Variants in TOMM40 observed in about 807,000 individuals in gnomAD.
TOMM40 encodes the protein mitochondrial import receptor subunit TOM40 homolog.
In TOMM40, 9 loss-of-function variants were observed where a neutral mutation model predicts 38.4. That is an observed-to-expected ratio of 0.23 (90% CI 0.14 to 0.41). The LOEUF (loss-of-function observed/expected upper bound fraction) is 0.41. Among genes scored for constraint, TOMM40 ranks in the 10% least tolerant of loss-of-function variants. The pLI is 1.00. For missense variants in TOMM40, 299 were observed against 486.5 expected, an observed-to-expected ratio of 0.61 and a Z score of 3.63; for synonymous variants, 184 against 210.0, an observed-to-expected ratio of 0.88 and a Z score of 1.07.
chr19:44,897,006 G>C (rs965487554), intron 5 of TOMM40, among the ~76,000 whole-genome samples: 1 of 152,194 alleles, frequency 6.6e-6, no homozygotes, highest in Non-Finnish European at 1.5e-5. Flanking sequence ...GCCTGGGAAG[G>C]GGGAGTGGTT....
rs1234958717 is a variant in TOMM40 at position 44,903,272 on chromosome 19, C to T, written c.*103C>T. On this transcript the variant is annotated 3_prime_UTR_variant, in exon 9 of 9. Coordinates refer to ENST00000426677, the MANE Select transcript of TOMM40 (RefSeq NM_001128917.2). ...TGAGCCCCCCTCCCTTCCCTCCCCC[C>T]TTGGGGGTCGGGGGGGACATTGGAA... 1 of 1,255,200 alleles carries T rather than the reference C, an allele frequency of 8.0e-7. No individual in the cohort carries two copies. Among genetic ancestry groups the T allele is most frequent in the African/African-American group, 1.7e-5 (1 of 57,250 alleles). 77.8% of individuals were successfully genotyped at this position (1,255,200 alleles called of 1,614,324 possible).
chr19:44,893,712 C>T (rs967832320), intron 3 of TOMM40, 68 bp from the exon 4 acceptor site: 2 of 1,362,924 alleles, frequency 1.5e-6, no homozygotes, highest in Admixed American at 2.0e-5. Context: ...AGGCTTCTCA[C>T]CCCGGCCCAT....
intron 6 of TOMM40, 33 bp downstream of exon 6, chr19:44,900,885 G>C: frequency 6.2e-7 from 1 of 1,611,886 alleles, no homozygotes; most frequent in East Asian, 2.2e-5. Context: ...AGGGTGGAGG[G>C]GCTGGGCCCC....
intron 5 of TOMM40, among the ~76,000 whole-genome samples, chr19:44,895,311 G>A (rs1262598574): frequency 6.6e-6 from 1 of 152,168 alleles, no homozygotes; most frequent in Non-Finnish European, 1.5e-5. Context: ...GGAGCAAGAA[G>A]ATTCCAGGCA....
At chr19:44,902,943 CA>C (rs1969710612) in intron 8 of TOMM40, 86 bp from the exon 9 acceptor site, 25 of 1,524,628 alleles carry the variant, frequency 1.6e-5, no homozygotes, top group Non-Finnish European at 2.2e-5. Context: ...AAGCTGTCGG[CA>C]TGTGGCTGGT....
At chr19:44,896,289 G>C (rs546285930) in intron 5 of TOMM40, among the ~76,000 whole-genome samples, 6 of 152,324 alleles carry the variant, frequency 3.9e-5, no homozygotes, top group African/African-American at 1.4e-4. Context: ...GCCACCAACA[G>C]CTCCGACTTG....
intron 6 of TOMM40, 53 bp from the exon 7 acceptor site, chr19:44,900,975 A>G: frequency 6.2e-7 from 1 of 1,612,146 alleles, no homozygotes; most frequent in Non-Finnish European, 8.5e-7. Flanking sequence ...GGGTTCCCAG[A>G]TGCCCAAATC....
chr19:44,897,155 C>T (rs1372410888), intron 5 of TOMM40, among the ~76,000 whole-genome samples: 2 of 152,080 alleles, frequency 1.3e-5, no homozygotes, highest in Non-Finnish European at 2.9e-5. Context: ...AACATGATCC[C>T]TCTGTCTGCT....
At chr19:44,900,688 G>T in intron 5 of TOMM40, 42 bp from the exon 6 acceptor site, 13 of 1,611,570 alleles carry the variant, frequency 8.1e-6, no homozygotes, top group Non-Finnish European at 1.1e-5. Context: ...GTCTAGCCTG[G>T]CACTCAGGGT....
At chr19:44,900,597 AGAAAGGAGCCCT>A in intron 5 of TOMM40, 121 bp from the exon 6 acceptor site, 1 of 1,549,062 alleles carries the variant, frequency 6.5e-7, no homozygotes, top group African/African-American at 1.4e-5. Flanking sequence ...ATGGGTTAGG[AGAAAGGAGCCCT>A]TGAGGGAGGC....
intron 8 of TOMM40, chr19:44,902,765 G>A (rs1253148910): frequency 2.7e-5 from 10 of 371,304 alleles, no homozygotes; most frequent in East Asian, 1.1e-4. Flanking sequence ...AGATTCATCC[G>A]CAGAGTGGGC....
At chr19:44,897,544 C>G (rs1362800693) in intron 5 of TOMM40, among the ~76,000 whole-genome samples, 1 of 152,132 alleles carries the variant, frequency 6.6e-6, no homozygotes, top group Non-Finnish European at 1.5e-5. Flanking sequence ...CCTCCACCTT[C>G]TGGGTTCAAG....
At chr19:44,895,940 C>T (rs1392355009) in intron 5 of TOMM40, among the ~76,000 whole-genome samples, 1 of 152,190 alleles carries the variant, frequency 6.6e-6, no homozygotes, top group Non-Finnish European at 1.5e-5. Context: ...TGGAATTCTT[C>T]CCTCTGGTCT....
intron 5 of TOMM40, among the ~76,000 whole-genome samples, chr19:44,899,337 G>A (rs901060402): frequency 2.0e-5 from 3 of 151,094 alleles, no homozygotes; most frequent in African/African-American, 4.9e-5. Flanking sequence ...TTTATTTGTT[G>A]TTTGTTTGCT....
Position 44,903,403 on chromosome 19 carries a change from C to T in TOMM40, c.*234C>T, listed in dbSNP as rs550266269. On this transcript the variant is annotated 3_prime_UTR_variant, in exon 9 of 9. Coordinates refer to ENST00000426677, the MANE Select transcript of TOMM40 (RefSeq NM_001128917.2). ...AGCATGCCCAGTGGGCCTGGGGTCC[C>T]GGGAGGGATTCCGGAATTGAGGGGC... is the stretch of plus-strand genomic sequence containing the variant. 11 of 456,726 alleles carry T rather than the reference C, an allele frequency of 2.4e-5. No individual in the cohort carries two copies. The highest frequency in any genetic ancestry group is 4.2e-5 in the Non-Finnish European group (11 of 259,424). The allele number at this position is 456,726 out of a possible 1,614,324, so 28.3% of individuals were successfully genotyped here.
chr19:44,901,651 G>A (rs1219691211), intron 8 of TOMM40: 2 of 434,474 alleles, frequency 4.6e-6, no homozygotes, highest in African/African-American at 2.0e-5. Flanking sequence ...GCGGGAAAAT[G>A]GTATGAACCC....
Position 44,900,828 on chromosome 19 carries a change from A to T in TOMM40, c.742A>T (p.Met248Leu). 6.2e-7 allele frequency: 1 copy of T among 1,614,086 alleles called. No homozygotes were observed. Among genetic ancestry groups the T allele is most frequent in the Non-Finnish European group, 8.5e-7 (1 of 1,180,024 alleles). Residue 248 changes from methionine (M) to leucine (L), a missense_variant, in exon 6 of 9, where the codon ATG (methionine) becomes TTG (leucine). Transcript: ENST00000426677. The stretch of plus-strand genomic sequence containing the variant: ...GCGGCCTGGAGAGGAGGGCACTGTC[A>T]TGTCTCTAGCTGGGAAATACACATG... ...HRRPGEEGTVMSLAGKYTLNN... is the reference protein window; with the variant it reads ...HRRPGEEGTVLSLAGKYTLNN...
Position 44,903,288 on chromosome 19 carries a change from G to GA in TOMM40, c.*120dup. On this transcript the variant is annotated 3_prime_UTR_variant, in exon 9 of 9. Coordinates refer to ENST00000426677, the MANE Select transcript of TOMM40 (RefSeq NM_001128917.2). Reference sequence around the variant, plus strand: ...CCCTCCCCCCTTGGGGGTCGGGGGGGACATTGGAAAGGAGGGACCCCGCCA... The same window carrying GA: ...CCCTCCCCCCTTGGGGGTCGGGGGGGAACATTGGAAAGGAGGGACCCCGCCA... The GA allele has an allele frequency of 2.6e-6, 3 of 1,168,460 alleles. No homozygotes were observed. The highest frequency in any genetic ancestry group is 3.5e-6 in the Non-Finnish European group (3 of 853,548). The allele number at this position is 1,168,460 out of a possible 1,614,324, so 72.4% of individuals were successfully genotyped here.
At chr19:44,895,843 G>A (rs112931547) in intron 5 of TOMM40, among the ~76,000 whole-genome samples, 2 of 152,214 alleles carry the variant, frequency 1.3e-5, no homozygotes, top group African/African-American at 4.8e-5. Flanking sequence ...CACCGCGCCC[G>A]GCCGACCATG....
Sources: allele counts gnomAD v4.1 joint callset (sites outside exome capture counted in the v4.1 genomes callset), GRCh38; gene constraint gnomAD v4.1.1; transcripts MANE v1.5; gene names NCBI Gene and HGNC (gene_info 2026-07-23, HGNC 2026-07-21).